Variants in FERRY3 observed in about 807,000 individuals in gnomAD.
FERRY3 encodes the protein FERRY endosomal RAB5 effector complex subunit 3.
the FERRY3 span, among the ~76,000 whole-genome samples, chr12:4,513,230 G>T: frequency 3.3e-5 from 4 of 120,112 alleles, no homozygotes; most frequent in Non-Finnish European, 5.1e-5. Context: ...CACTGCTCAA[G>T]GAAATAAAAG....
chr12:4,529,376 A>C, the FERRY3 span, among the ~76,000 whole-genome samples: 1 of 152,204 alleles, frequency 6.6e-6, no homozygotes, highest in Non-Finnish European at 1.5e-5. Flanking sequence ...GAGCAGGGCA[A>C]TACAGAGGTT....
At chr12:4,503,278 T>TTGGA in the FERRY3 span, among the ~76,000 whole-genome samples, 5 of 152,166 alleles carry the variant, frequency 3.3e-5, no homozygotes, top group Non-Finnish European at 7.4e-5. Context: ...AAGGACCAGA[T>TTGGA]TGGATGTTAA....
At chr12:4,496,555 C>T in the FERRY3 span, among the ~76,000 whole-genome samples, 1 of 152,068 alleles carries the variant, frequency 6.6e-6, no homozygotes, top group Non-Finnish European at 1.5e-5. Flanking sequence ...AAAAATTGGG[C>T]CCTACTGTCA....
the FERRY3 span, chr12:4,516,943 A>T: frequency 1.0e-6 from 1 of 974,270 alleles, no homozygotes; most frequent in Non-Finnish European, 1.3e-6. Flanking sequence ...AAAAAATCTT[A>T]ATTTTGTTTT....
At chr12:4,524,198 C>T in the FERRY3 span, among the ~76,000 whole-genome samples, 1 of 151,956 alleles carries the variant, frequency 6.6e-6, no homozygotes, top group Non-Finnish European at 1.5e-5. Flanking sequence ...CATTTTGGCT[C>T]AATATACACA....
At chr12:4,524,627 A>G in the FERRY3 span, among the ~76,000 whole-genome samples, 1 of 152,222 alleles carries the variant, frequency 6.6e-6, no homozygotes, top group African/African-American at 2.4e-5. Context: ...TACTCAGTAT[A>G]TTTCCAACTG....
chr12:4,503,783 G>A, the FERRY3 span, among the ~76,000 whole-genome samples: 12 of 152,158 alleles, frequency 7.9e-5, no homozygotes, highest in African/African-American at 2.9e-4. Context: ...AGGACTGAGA[G>A]ACTGAACTTC....
the FERRY3 span, chr12:4,518,767 CACTT>C: frequency 1.7e-5 from 25 of 1,487,360 alleles, no homozygotes; most frequent in Non-Finnish European, 2.2e-5. Flanking sequence ...AAAATTAACA[CACTT>C]ACCTAAGTGA....
At chr12:4,496,409 G>C in the FERRY3 span, among the ~76,000 whole-genome samples, 1 of 152,162 alleles carries the variant, frequency 6.6e-6, no homozygotes, top group Non-Finnish European at 1.5e-5. Context: ...TAACAGTACA[G>C]AAAGTTTTTG....
the FERRY3 span, among the ~76,000 whole-genome samples, chr12:4,530,746 G>C: frequency 6.6e-6 from 1 of 152,116 alleles, no homozygotes; most frequent in Non-Finnish European, 1.5e-5. Flanking sequence ...AACGCTGATA[G>C]ACAAGAAAAG....
At chr12:4,526,287 G>A in the FERRY3 span, among the ~76,000 whole-genome samples, 11 of 152,098 alleles carry the variant, frequency 7.2e-5, no homozygotes, top group Non-Finnish European at 1.3e-4. Context: ...TTCTTGATCT[G>A]GGCAATGGTT....
the FERRY3 span, chr12:4,518,045 G>A: frequency 3.2e-6 from 5 of 1,582,892 alleles, no homozygotes; most frequent in South Asian, 2.2e-5. Context: ...AAATGTGTAT[G>A]ATGTTAACTT....
chr12:4,535,195 C>T, the FERRY3 span, among the ~76,000 whole-genome samples: 15 of 152,278 alleles, frequency 9.9e-5, no homozygotes, highest in South Asian at 1.2e-3. The surrounding 1 kb of genome is among the most constrained non-coding windows in gnomAD (Gnocchi z 4.0). Context: ...TCACTATGTT[C>T]GCGACTTTAG....
chr12:4,494,826 A>T, the FERRY3 span, among the ~76,000 whole-genome samples: 1 of 152,292 alleles, frequency 6.6e-6, no homozygotes, highest in East Asian at 1.9e-4. Context: ...TTCCATATAC[A>T]TTTTAGAATT....
chr12:4,529,896 T>C, the FERRY3 span: 8 of 1,593,414 alleles, frequency 5.0e-6, 1 homozygote, highest in Admixed American at 9.1e-5. Context: ...CAGCTCCACA[T>C]CTCTTTCACC....
At chr12:4,511,845 CA>C in the FERRY3 span, among the ~76,000 whole-genome samples, 1 of 126,520 alleles carries the variant, frequency 7.9e-6, no homozygotes, top group African/African-American at 3.8e-5. Flanking sequence ...AAAGCAAGAG[CA>C]AACACATTCA....
chr12:4,537,893 A>C, the FERRY3 span, among the ~76,000 whole-genome samples: 2 of 152,208 alleles, frequency 1.3e-5, no homozygotes, highest in African/African-American at 2.4e-5. Flanking sequence ...AAGAATGCTC[A>C]TATAAGTTTT....
the FERRY3 span, among the ~76,000 whole-genome samples, chr12:4,494,818 C>A: frequency 3.3e-5 from 5 of 152,302 alleles, no homozygotes; most frequent in East Asian, 9.6e-4. Flanking sequence ...CTGTGCATTT[C>A]CATATACATT....
At chr12:4,535,358 G>A in the FERRY3 span, among the ~76,000 whole-genome samples, 7 of 152,200 alleles carry the variant, frequency 4.6e-5, no homozygotes, top group African/African-American at 1.7e-4. This position sits in a 1 kb window ranked among gnomAD's most constrained non-coding sequence, Gnocchi z 4.0. Context: ...TGCTGTTGCT[G>A]CTAAATGATT....
Sources: gnomAD v4.1 joint callset for allele counts (sites outside exome capture counted in the v4.1 genomes callset) on GRCh38, gnomAD v4.1.1 for gene constraint, Gnocchi (gnomAD v3.1) non-coding constraint, MANE v1.5 for transcripts, NCBI Gene and HGNC (gene_info 2026-07-23, HGNC 2026-07-21) for gene names.